The following DENND1A variants were observed in gnomAD, a reference collection of about 807,000 sequenced individuals.
The protein encoded by DENND1A is DENN domain-containing protein 1A.
DENND1A carries 51 observed loss-of-function variants against 113.7 expected under a neutral mutation model. That is an observed-to-expected ratio of 0.45 (90% confidence interval 0.36 to 0.57). The LOEUF (loss-of-function observed/expected upper bound fraction) is 0.57, where lower values mean the gene tolerates loss of function less well. Among genes scored for constraint, DENND1A ranks in the 20% least tolerant of loss-of-function variants. The pLI, the probability that DENND1A is intolerant of heterozygous loss-of-function variation, is 0.00. For missense variants in DENND1A, 1,258 were observed against 1,395.9 expected, an observed-to-expected ratio of 0.90 and a Z score of 1.57; for synonymous variants, 565 against 570.8, an observed-to-expected ratio of 0.99 and a Z score of 0.14.
At chr9:123,542,071 TTA>T (rs2056331031) in intron 13 of DENND1A, among the ~76,000 whole-genome samples, 1 of 152,200 alleles carries the variant, frequency 6.6e-6, no homozygotes, top group Non-Finnish European at 1.5e-5. Flanking sequence ...TAGACATCTG[TTA>T]GATAGTAATT....
intron 9 of DENND1A, among the ~76,000 whole-genome samples, chr9:123,649,144 G>T (rs923807697): frequency 6.6e-6 from 1 of 151,990 alleles, no homozygotes; most frequent in Admixed American, 6.6e-5. Context: ...ACCCTATGGG[G>T]GTTTTGAATA....
At chr9:123,716,928 C>T (rs761811783) in intron 5 of DENND1A, among the ~76,000 whole-genome samples, 5 of 152,102 alleles carry the variant, frequency 3.3e-5, no homozygotes, top group Non-Finnish European at 5.9e-5. Context: ...CCACATGAAC[C>T]GTTAAGTGCA....
intron 5 of DENND1A, among the ~76,000 whole-genome samples, chr9:123,728,211 C>T (rs920129013): frequency 1.4e-4 from 21 of 151,988 alleles, no homozygotes; most frequent in African/African-American, 4.8e-4. Context: ...GGCGCAGTGG[C>T]TCACACCTGT....
Position 123,403,488 on chromosome 9 carries a change from C to G in DENND1A, c.1545G>C (p.Val515=), listed in dbSNP as rs752508032. 2 of 1,613,994 alleles carry G rather than the reference C, an allele frequency of 1.2e-6. No homozygotes were observed. The highest frequency in any genetic ancestry group is 2.7e-5 in the African/African-American group (2 of 75,030). Residue 515 remains valine, a splice_region_variant and synonymous_variant, in exon 21 of 24, where the codon GTG becomes GTC. Coordinates refer to ENST00000394215, the MANE Select transcript of DENND1A (RefSeq NM_001352964.2). ...PPPKIQRSRP[V]RPPRPHVVKR... The stretch of plus-strand genomic sequence containing the variant: ...TAACAACATGTGGACGAGGTGGGCG[C>G]ACCTAGAGGAGGTACAGGGGGAGAG...
At chr9:123,398,940 A>T (rs1386637368) in intron 21 of DENND1A, among the ~76,000 whole-genome samples, 1 of 151,220 alleles carries the variant, frequency 6.6e-6, no homozygotes, top group African/African-American at 2.4e-5. Context: ...GATTACAAGC[A>T]TGTATCACCA....
chr9:123,521,236 A>C (rs1189219776), intron 13 of DENND1A, among the ~76,000 whole-genome samples: 2 of 152,216 alleles, frequency 1.3e-5, no homozygotes, highest in Non-Finnish European at 2.9e-5. Context: ...AGGAATAGGA[A>C]GACAATTTTT....
At chr9:123,564,189 C>T (rs978641768) in intron 12 of DENND1A, among the ~76,000 whole-genome samples, 7 of 152,242 alleles carry the variant, frequency 4.6e-5, no homozygotes, top group Non-Finnish European at 1.0e-4. Flanking sequence ...ATGTCTTTCT[C>T]CCCAGGAGAA....
chr9:123,445,887 C>G (rs2047270258), intron 18 of DENND1A, among the ~76,000 whole-genome samples: 2 of 152,182 alleles, frequency 1.3e-5, no homozygotes, highest in African/African-American at 4.8e-5. Flanking sequence ...AAACAAAAGA[C>G]AGACAAAAGG....
At chr9:123,818,058 A>C (rs544235315) in intron 2 of DENND1A, among the ~76,000 whole-genome samples, 112 of 152,174 alleles carry the variant, frequency 7.4e-4, no homozygotes, top group Middle Eastern at 6.8e-3. Context: ...CTATAAGAAA[A>C]TGCAAATAAA....
chr9:123,421,691 C>T (rs916117867), intron 19 of DENND1A, among the ~76,000 whole-genome samples: 9 of 152,282 alleles, frequency 5.9e-5, no homozygotes, highest in Admixed American at 2.0e-4. Context: ...CAGGATGCAA[C>T]TAGGAAATGA....
At chr9:123,596,121 A>G (rs2137205422) in intron 11 of DENND1A, among the ~76,000 whole-genome samples, 1 of 152,324 alleles carries the variant, frequency 6.6e-6, no homozygotes, top group South Asian at 2.1e-4. Flanking sequence ...TGGCCCAGAG[A>G]TAGCTCGCCA....
At chr9:123,807,614 A>G (rs939273390) in intron 2 of DENND1A, among the ~76,000 whole-genome samples, 4 of 152,262 alleles carry the variant, frequency 2.6e-5, no homozygotes, top group Non-Finnish European at 5.9e-5. Context: ...CACAGTGCAC[A>G]GCACAGAGTA....
At chr9:123,440,338 G>T in intron 19 of DENND1A, 22 bp downstream of exon 19, 1 of 1,580,714 alleles carries the variant, frequency 6.3e-7, no homozygotes, top group African/African-American at 1.4e-5. Context: ...AAACAGACAG[G>T]TAGGAGGGCC....
intron 1 of DENND1A, among the ~76,000 whole-genome samples, chr9:123,919,212 C>T (rs1359293634): frequency 2.0e-5 from 3 of 151,984 alleles, no homozygotes; most frequent in African/African-American, 4.8e-5. Flanking sequence ...TGGCTCATGC[C>T]TGTAATCCCA....
chr9:123,532,990 A>G (rs56007268), intron 13 of DENND1A, among the ~76,000 whole-genome samples: 2 of 152,374 alleles, frequency 1.3e-5, no homozygotes, highest in Non-Finnish European at 2.9e-5. Flanking sequence ...GGCACTCACA[A>G]ACAACAATCA....
chr9:123,516,884 C>CAAAAAAAAAAAAAAAAAAAA (rs546001517), intron 13 of DENND1A, among the ~76,000 whole-genome samples: 23 of 93,388 alleles, frequency 2.5e-4, no homozygotes, highest in South Asian at 3.6e-4. Flanking sequence ...GACTCTGTCT[C>CAAAAAAAAAAAAAAAAAAAA]AAAAAAAAAA....
intron 14 of DENND1A, 35 bp from the exon 15 acceptor site, chr9:123,457,470 T>A (rs762009337): frequency 6.5e-7 from 1 of 1,548,856 alleles, no homozygotes; most frequent in Non-Finnish European, 8.9e-7. Flanking sequence ...CAACAGCTCG[T>A]ACAAAGAAAA....
chr9:123,409,087 A>G (rs1232143907), intron 20 of DENND1A, among the ~76,000 whole-genome samples: 1 of 152,114 alleles, frequency 6.6e-6, no homozygotes, highest in African/African-American at 2.4e-5. Flanking sequence ...GTTGGCTACA[A>G]ATTAGGGAGA....
intron 5 of DENND1A, among the ~76,000 whole-genome samples, chr9:123,742,822 G>A (rs2069137320): frequency 1.3e-5 from 2 of 152,208 alleles, no homozygotes; most frequent in Non-Finnish European, 2.9e-5. Flanking sequence ...GGTGAGTAGA[G>A]AATGGTGATA....
Sources: allele counts gnomAD v4.1 joint callset (sites outside exome capture counted in the v4.1 genomes callset), GRCh38; gene constraint gnomAD v4.1.1; transcripts MANE v1.5; gene names NCBI Gene and HGNC (gene_info 2026-07-23, HGNC 2026-07-21).